The following CNTNAP4 variants were observed in gnomAD, a reference collection of about 807,000 sequenced individuals.
CNTNAP4 encodes contactin associated protein family member 4, also known as contactin-associated protein-like 4.
Under a neutral mutation model 148.4 loss-of-function variants are expected in CNTNAP4, and 98 were observed. The observed-to-expected ratio is 0.66, with a 90% confidence interval of 0.56 to 0.78. The LOEUF (loss-of-function observed/expected upper bound fraction) is 0.78, where lower values mean the gene tolerates loss of function less well. Among genes scored for constraint, CNTNAP4 ranks in the 30% least tolerant of loss-of-function variants. CNTNAP4 has a pLI of 0.00. For missense variants in CNTNAP4, 1,935 were observed against 1,565.6 expected (o/e 1.24, Z -3.98); for synonymous variants, 730 against 565.1 (o/e 1.29, Z -4.14).
intron 21 of CNTNAP4, among the ~76,000 whole-genome samples, chr16:76,543,166 C>A (rs1237602649): frequency 6.6e-6 from 1 of 152,148 alleles, no homozygotes; most frequent in African/African-American, 2.4e-5. Flanking sequence ...TGGTCTCAGT[C>A]AACTGACTCT....
chr16:76,385,964 T>C (rs2016477809), intron 3 of CNTNAP4, among the ~76,000 whole-genome samples: 2 of 152,040 alleles, frequency 1.3e-5, no homozygotes, highest in East Asian at 3.9e-4. Flanking sequence ...TGCACAAAAA[T>C]GTGAAAAATG....
intron 3 of CNTNAP4, among the ~76,000 whole-genome samples, chr16:76,397,469 CAG>C (rs1189733154): frequency 6.6e-6 from 1 of 151,802 alleles, no homozygotes; most frequent in Non-Finnish European, 1.5e-5. Context: ...AGGCATGCGA[CAG>C]AGGGAAAAGA....
intron 4 of CNTNAP4, among the ~76,000 whole-genome samples, chr16:76,433,618 A>C (rs2079697673): frequency 6.6e-6 from 1 of 152,182 alleles, no homozygotes; most frequent in African/African-American, 2.4e-5. Flanking sequence ...AAAACAAAAC[A>C]TTGAAAGACA....
chr16:76,453,030 C>A (rs984837942), intron 8 of CNTNAP4, among the ~76,000 whole-genome samples: 1 of 152,132 alleles, frequency 6.6e-6, no homozygotes, highest in Admixed American at 6.5e-5. Context: ...TCTCCCACTC[C>A]AGACAAAGAA....
chr16:76,537,249 A>T (rs1483704287), intron 18 of CNTNAP4, among the ~76,000 whole-genome samples: 2 of 152,192 alleles, frequency 1.3e-5, no homozygotes, highest in Non-Finnish European at 2.9e-5. Context: ...CGTGTTATAG[A>T]TAATAAAATA....
intron 3 of CNTNAP4, among the ~76,000 whole-genome samples, chr16:76,382,029 C>T (rs1407030687): frequency 3.1e-4 from 37 of 120,458 alleles, no homozygotes; most frequent in Non-Finnish European, 4.7e-5. Flanking sequence ...CCACTGCGCT[C>T]TAGCCTGGGG....
chr16:76,552,524 A>G (rs1261893454), intron 21 of CNTNAP4, among the ~76,000 whole-genome samples: 5 of 152,166 alleles, frequency 3.3e-5, no homozygotes, highest in Non-Finnish European at 7.3e-5. Flanking sequence ...ATTAAAACCA[A>G]TCTCCGTTCC....
chr16:76,490,599 C>A (rs947201771), intron 13 of CNTNAP4, among the ~76,000 whole-genome samples: 1 of 152,172 alleles, frequency 6.6e-6, no homozygotes, highest in Admixed American at 6.5e-5. Context: ...CATCTTCTAA[C>A]CATCCAATGC....
intron 2 of CNTNAP4, among the ~76,000 whole-genome samples, chr16:76,333,786 T>G (rs1156785252): frequency 7.5e-5 from 11 of 147,150 alleles, no homozygotes; most frequent in African/African-American, 2.2e-4. Flanking sequence ...TAGGTTTTTT[T>G]TTTTTTTTTT....
intron 2 of CNTNAP4, among the ~76,000 whole-genome samples, chr16:76,354,993 G>A (rs1024757430): frequency 4.6e-5 from 7 of 152,154 alleles, no homozygotes; most frequent in African/African-American, 1.7e-4. Flanking sequence ...CATTACATGT[G>A]TGCAGTAGAC....
At chr16:76,383,921 G>A (rs569017474) in intron 3 of CNTNAP4, among the ~76,000 whole-genome samples, 156 of 152,204 alleles carry the variant, frequency 1.0e-3, no homozygotes, top group African/African-American at 3.6e-3. Flanking sequence ...TTCTATGTTT[G>A]AAAATGTCCA....
In CNTNAP4 at chr16:76,286,727, T is replaced by A. The variant is rs185283610; in HGVS notation, c.85+8980T>A. On this transcript the variant is annotated intron_variant, in intron 1 of 23. Coordinates refer to ENST00000611870, the MANE Select transcript of CNTNAP4 (RefSeq NM_033401.5). ...AAAGTTGAACATTTTTTCACATCTTTCACTTTTATCTCTCAATTTTGGCTG... is the reference window on the plus strand; with the variant it reads ...AAAGTTGAACATTTTTTCACATCTTACACTTTTATCTCTCAATTTTGGCTG... Among the ~76,000 whole-genome samples, 25 of 152,322 alleles carry A rather than the reference T, an allele frequency of 1.6e-4. No individual in the cohort carries two copies. In the East Asian group the frequency reaches 3.5e-3, roughly 21 times the overall value.
intron 1 of CNTNAP4, among the ~76,000 whole-genome samples, chr16:76,291,239 G>A (rs562085011): frequency 6.6e-6 from 1 of 152,222 alleles, no homozygotes; most frequent in East Asian, 1.9e-4. Context: ...AAGTTCAACA[G>A]TAGATACATT....
intron 11 of CNTNAP4, among the ~76,000 whole-genome samples, chr16:76,477,070 C>G (rs1267171103): frequency 1.3e-5 from 2 of 152,008 alleles, no homozygotes; most frequent in African/African-American, 4.8e-5. Context: ...TTATATGCAA[C>G]TTACTTATAA....
At chr16:76,431,326 T>C (rs2145075795) in intron 4 of CNTNAP4, among the ~76,000 whole-genome samples, 1 of 152,248 alleles carries the variant, frequency 6.6e-6, no homozygotes, top group East Asian at 1.9e-4. Flanking sequence ...TTAGAAGGCT[T>C]TCACTCTTGT....
At chr16:76,287,362 A>T (rs963998622) in intron 1 of CNTNAP4, among the ~76,000 whole-genome samples, 2 of 152,210 alleles carry the variant, frequency 1.3e-5, no homozygotes, top group African/African-American at 4.8e-5. Flanking sequence ...GCTACGCTTA[A>T]CACGCAAAAC....
intron 3 of CNTNAP4, among the ~76,000 whole-genome samples, chr16:76,358,806 G>T (rs1427446593): frequency 2.6e-5 from 4 of 152,228 alleles, no homozygotes; most frequent in Non-Finnish European, 5.9e-5. Context: ...TTGTAGTGTA[G>T]ATAAAACAAC....
intron 3 of CNTNAP4, among the ~76,000 whole-genome samples, chr16:76,385,209 G>GCAGCT (rs1417646765): frequency 6.6e-6 from 1 of 152,156 alleles, no homozygotes; most frequent in East Asian, 1.9e-4. Context: ...AGCAGCAAGA[G>GCAGCT]CTATGTGATA....
intron 4 of CNTNAP4, among the ~76,000 whole-genome samples, chr16:76,437,093 T>C (rs1281867047): frequency 6.6e-6 from 1 of 152,068 alleles, no homozygotes; most frequent in Admixed American, 6.6e-5. Flanking sequence ...GTTTCAAAGC[T>C]GAAGAACTTG....
Sources: gnomAD v4.1 joint callset for allele counts (sites outside exome capture counted in the v4.1 genomes callset) on GRCh38, gnomAD v4.1.1 for gene constraint, MANE v1.5 for transcripts, NCBI Gene and HGNC (gene_info 2026-07-23, HGNC 2026-07-21) for gene names.